STAT5A: variants seen among roughly 807,000 people sequenced by gnomAD.
STAT5A encodes signal transducer and activator of transcription 5A.
In STAT5A, 26 loss-of-function variants were observed where a neutral mutation model predicts 100.2. The observed-to-expected ratio is 0.26, with a 90% CI of 0.19 to 0.36. The LOEUF (loss-of-function observed/expected upper bound fraction) is 0.36. Among genes scored for constraint, STAT5A ranks in the 10% least tolerant of loss-of-function variants. The probability of loss-of-function intolerance (pLI) is 1.00; values close to 1 mark genes in which losing one functional copy is unlikely to be tolerated. For missense variants in STAT5A, 634 were observed against 1,027.5 expected (o/e 0.62, Z 5.24); for synonymous variants, 330 against 424.3 (o/e 0.78, Z 2.73).
In STAT5A at chr17:42,293,496, C is replaced by T. The variant is rs182594158; in HGVS notation, c.375+1435C>T. Among the ~76,000 whole-genome samples, 15 of 152,306 alleles carry T rather than the reference C, an allele frequency of 9.8e-5. No individual in the cohort carries two copies. In the East Asian group the frequency reaches 2.5e-3, roughly 25 times the overall value. On this transcript the variant is annotated intron_variant, in intron 4 of 18. Transcript: ENST00000590949. Reference sequence around the variant, plus strand: ...CTGGGATTACAGGCATGAGCCACCACGCCCGGCCTATTACGTATTTATTGT... The same window carrying T: ...CTGGGATTACAGGCATGAGCCACCATGCCCGGCCTATTACGTATTTATTGT...
chr17:42,296,855 C>G (rs2080922906), intron 5 of STAT5A, among the ~76,000 whole-genome samples: 1 of 152,194 alleles, frequency 6.6e-6, no homozygotes, highest in South Asian at 2.1e-4. Context: ...TAACCCTGCA[C>G]TGTCAGTGCT....
Position 42,308,808 on chromosome 17 carries a change from G to T in STAT5A, c.2063-239G>T, listed in dbSNP as rs1213778752. 3.4e-6 allele frequency: 2 copies of T among 585,842 alleles called. No homozygotes were observed. Among genetic ancestry groups the T allele is most frequent in the Non-Finnish European group, 6.1e-6 (2 of 328,604 alleles). 36.3% of individuals were successfully genotyped at this position (585,842 alleles called of 1,614,324 possible). A position where few individuals can be genotyped will look rare whatever the true frequency, so the allele number is the denominator to read the frequency against. On this transcript the variant is annotated intron_variant, in intron 16 of 18. Transcript: ENST00000590949. This position sits in a 1 kb window ranked among gnomAD's most constrained non-coding sequence, Gnocchi z 4.6. ...ATTCTTTGACAGGGGTGGGAGCAGG[G>T]AGAGGGAAATCAGATGGCCAGAAAA...
chr17:42,296,774 A>G (rs1001614063), intron 5 of STAT5A, among the ~76,000 whole-genome samples: 1 of 152,046 alleles, frequency 6.6e-6, no homozygotes, highest in Non-Finnish European at 1.5e-5. Flanking sequence ...CATAGCTGGG[A>G]CTACAGGTGC....
intron 5 of STAT5A, among the ~76,000 whole-genome samples, chr17:42,298,994 G>C (rs1292639490): frequency 2.0e-5 from 3 of 151,782 alleles, no homozygotes; most frequent in Non-Finnish European, 4.4e-5. Context: ...CTGGTTGGTC[G>C]GCTGGGCTCA....
rs540625378 is a variant in STAT5A at position 42,310,900 on chromosome 17, G to A, written c.*231G>A. The stretch of plus-strand genomic sequence containing the variant: ...AGATCATGGCATCCAAGAGTGCGCC[G>A]AGTCTGTCTCTGTCATGGTAGAGAC... On this transcript the variant is annotated 3_prime_UTR_variant, in exon 19 of 19. Transcript: ENST00000590949. The A allele has an allele frequency of 2.5e-4, 166 of 665,098 alleles. 1 individual carries two copies. In the South Asian group the frequency reaches 3.0e-3, roughly 12 times the overall value. The allele number at this position is 665,098 out of a possible 1,614,324, so 41.2% of individuals were successfully genotyped here.
chr17:42,304,620 G>T lies in STAT5A; in HGVS notation c.1348G>T (p.Val450Phe). The change falls in exon 11 of 19, where the codon GTT becomes TTT. Residue 450 changes from valine to phenylalanine, a missense_variant. Physicochemically the swap from Val to Phe is conservative, Grantham distance 50. Coordinates refer to ENST00000590949, the MANE Select transcript of STAT5A (RefSeq NM_001288718.2). This position sits in a 1 kb window ranked among gnomAD's most constrained non-coding sequence, Gnocchi z 4.8. ...FTVLFESQFSVGSNELVFQVK... is the reference protein window; with the variant it reads ...FTVLFESQFSFGSNELVFQVK... The stretch of plus-strand genomic sequence containing the variant: ...AGTCCTGTTTGAGTCTCAGTTCAGT[G>T]TTGGCAGCAATGAGCTTGTGTTCCA... 1.2e-6 allele frequency: 2 copies of T among 1,614,216 alleles called. No homozygotes were observed. The highest frequency in any genetic ancestry group is 1.7e-6 in the Non-Finnish European group (2 of 1,180,044).
Position 42,308,034 on chromosome 17 carries a change from C to T in STAT5A, c.1907-144C>T, listed in dbSNP as rs887487742. ...GTTTGCTGAGTAGAACATCCCGCATCGGCTTTCTTCCCTACAGGCTGGGGC... is the reference window on the plus strand; with the variant it reads ...GTTTGCTGAGTAGAACATCCCGCATTGGCTTTCTTCCCTACAGGCTGGGGC... On this transcript the variant is annotated intron_variant, in intron 15 of 18. Transcript: ENST00000590949. The surrounding 1 kb of genome is among the most constrained non-coding windows in gnomAD (Gnocchi z 4.6). The T allele has an allele frequency of 2.6e-6, 3 of 1,166,016 alleles. No homozygotes were observed. The highest frequency in any genetic ancestry group is 2.4e-6 in the Non-Finnish European group (2 of 838,752). The allele number at this position is 1,166,016 out of a possible 1,614,324, so 72.2% of individuals were successfully genotyped here. A position where few individuals can be genotyped will look rare whatever the true frequency, so the allele number is the denominator to read the frequency against.
Position 42,310,731 on chromosome 17 carries a change from G to A in STAT5A, c.*62G>A. ...GCAATGTGAAGCGGTCGTGTTGTGA[G>A]TTTAGTAAGGCTGTGTACACTGACA... On this transcript the variant is annotated 3_prime_UTR_variant, in exon 19 of 19. Coordinates refer to ENST00000590949, the MANE Select transcript of STAT5A (RefSeq NM_001288718.2). The A allele has an allele frequency of 6.2e-7, 1 of 1,606,440 alleles. No individual in the cohort carries two copies. Among genetic ancestry groups the A allele is most frequent in the Non-Finnish European group, 8.5e-7 (1 of 1,175,490 alleles).
At position 42,301,255 on chromosome 17, in the gene STAT5A, T is replaced by C. The variant is rs2080975772; in HGVS notation, c.990-20T>C. On this transcript the variant is annotated intron_variant, in intron 8 of 18. Transcript: ENST00000590949. ...CTGCGCCAACCCCTCATCGTGTGTCTGTCCCTGTGTCCCATGCAGCACATT... is the reference window on the plus strand; with the variant it reads ...CTGCGCCAACCCCTCATCGTGTGTCCGTCCCTGTGTCCCATGCAGCACATT... The C allele has an allele frequency of 6.2e-7, 1 of 1,610,840 alleles. No homozygotes were observed. Among genetic ancestry groups the C allele is most frequent in the African/African-American group, 1.3e-5 (1 of 74,930 alleles).
In STAT5A at chr17:42,299,826, T is replaced by C. The variant is rs2230123; in HGVS notation, c.626T>C (p.Val209Ala). 6,766 of 1,612,930 alleles carry C rather than the reference T, an allele frequency of 4.2e-3. 199 individuals carry two copies. In the African/African-American group the frequency reaches 0.072, roughly 17 times the overall value. Residue 209 changes from valine to alanine, a missense_variant, in exon 6 of 19, where the codon GTG becomes GCG. By Grantham distance (64) the Val-to-Ala change is moderately conservative. Coordinates refer to ENST00000590949, the MANE Select transcript of STAT5A (RefSeq NM_001288718.2). ...GAGACGGCCCTCCAGCAGAAGCAGGTGTCTCTGGAGGCCTGGTTGCAGCGT... is the reference window on the plus strand; with the variant it reads ...GAGACGGCCCTCCAGCAGAAGCAGGCGTCTCTGGAGGCCTGGTTGCAGCGT... ...SRETALQQKQ[V>A]SLEAWLQREA...
rs1241977872 is a variant in STAT5A at position 42,300,105 on chromosome 17, G to C, written c.682-25G>C. ...GCGGTGTTCTCTGGGAGCCCAGAAG[G>C]GGCTGCTCTCCTCCCTTCCCTCAGG... On this transcript the variant is annotated intron_variant, in intron 6 of 18. Coordinates refer to ENST00000590949, the MANE Select transcript of STAT5A (RefSeq NM_001288718.2). 1.2e-5 allele frequency: 16 copies of C among 1,316,256 alleles called. No individual in the cohort carries two copies. The South Asian group carries it at 2.1e-4, about 17-fold the overall frequency. The allele number at this position is 1,316,256 out of a possible 1,614,324, so 81.5% of individuals were successfully genotyped here.
chr17:42,301,595 G>T, intron 9 of STAT5A, 141 bp downstream of exon 9: 3 of 1,308,526 alleles, frequency 2.3e-6, no homozygotes, highest in Non-Finnish European at 3.1e-6. Flanking sequence ...GACTCATGCA[G>T]TCTTCCCACC....
intron 9 of STAT5A, 58 bp downstream of exon 9, chr17:42,301,512 C>G (rs779607888): frequency 1.1e-5 from 18 of 1,597,460 alleles, no homozygotes; most frequent in South Asian, 8.9e-5. Context: ...CTGCACCCCC[C>G]GCTTTGTCCT....
chr17:42,299,359 G>A (rs1356102618), intron 5 of STAT5A, among the ~76,000 whole-genome samples: 1 of 152,216 alleles, frequency 6.6e-6, no homozygotes, highest in Non-Finnish European at 1.5e-5. Context: ...GCACAGGAAA[G>A]GAAAGCGATT....
chr17:42,289,435 G>A lies in STAT5A; in HGVS notation c.24G>A (p.Gln8=). 2 of 1,612,196 alleles carry A rather than the reference G, an allele frequency of 1.2e-6. No homozygotes were observed. The change falls in exon 2 of 19, where the codon CAG becomes CAA. Residue 8 remains glutamine, a synonymous_variant. Coordinates refer to ENST00000590949, the MANE Select transcript of STAT5A (RefSeq NM_001288718.2). MAGWIQA[Q]QLQGDALRQM... ...CCATGGCGGGCTGGATCCAGGCCCA[G>A]CAGCTGCAGGGAGACGCGCTGCGCC...
At position 42,310,372 on chromosome 17, in the gene STAT5A, G is replaced by GT. The variant is rs1352872289; in HGVS notation, c.2223-134dup. ...TGACTGCTACCCAGCTTGGGGTGGG[G>GT]TGGGGGCATCCAGCCAGAACTGGTC... is the stretch of plus-strand genomic sequence containing the variant. On this transcript the variant is annotated intron_variant, in intron 18 of 18. Coordinates refer to ENST00000590949, the MANE Select transcript of STAT5A (RefSeq NM_001288718.2). 3.8e-5 allele frequency: 34 copies of GT among 903,912 alleles called. No individual in the cohort carries two copies. In the East Asian group the frequency reaches 8.9e-4, roughly 24 times the overall value. 56.0% of individuals were successfully genotyped at this position (903,912 alleles called of 1,614,324 possible).
At position 42,310,553 on chromosome 17, in the gene STAT5A, A is replaced by G. The variant is rs567020134; in HGVS notation, c.2269A>G (p.Thr757Ala). The G allele has an allele frequency of 6.2e-7, 1 of 1,614,174 alleles. No individual in the cohort carries two copies. Among genetic ancestry groups the G allele is most frequent in the Admixed American group, 1.7e-5 (1 of 60,020 alleles). ...DQDGEFDLDE[T>A]MDVARHVEEL... Reference sequence around the variant, plus strand: ...GGATGGAGAATTCGACCTGGATGAGACCATGGATGTGGCCAGGCACGTGGA... The same window carrying G: ...GGATGGAGAATTCGACCTGGATGAGGCCATGGATGTGGCCAGGCACGTGGA... Residue 757 changes from threonine to alanine, a missense_variant, in exon 19 of 19, where the codon ACC (threonine) becomes GCC (alanine). Transcript: ENST00000590949.
chr17:42,308,948 G>A lies in STAT5A; in HGVS notation c.2063-99G>A. The A allele has an allele frequency of 6.8e-7, 1 of 1,463,508 alleles. No homozygotes were observed. The highest frequency in any genetic ancestry group is 9.5e-7 in the Non-Finnish European group (1 of 1,047,516). 90.7% of individuals were successfully genotyped at this position (1,463,508 alleles called of 1,614,324 possible). A position where few individuals can be genotyped will look rare whatever the true frequency, so the allele number is the denominator to read the frequency against. On this transcript the variant is annotated intron_variant, in intron 16 of 18. Transcript: ENST00000590949. This position sits in a 1 kb window ranked among gnomAD's most constrained non-coding sequence, Gnocchi z 4.6. ...ATCTCATCCCAGCTGAGAACACAAG[G>A]TGATGTGAGCAGGAGGGAGACTACA... is the stretch of plus-strand genomic sequence containing the variant.
At position 42,307,677 on chromosome 17, in the gene STAT5A, T is replaced by C. The variant is rs1189573288; in HGVS notation, c.1860T>C (p.Ser620=). ...KPDGTFLLRF[S]DSEIGGITIA... is the part of the protein sequence containing the mutation. The stretch of plus-strand genomic sequence containing the variant: ...ACGGGACCTTCTTGTTGCGCTTTAG[T>C]GACTCAGAAATCGGGGGCATCACCA... The change falls in exon 15 of 19, where the codon AGT becomes AGC. Residue 620 remains serine, a synonymous_variant. Coordinates refer to ENST00000590949, the MANE Select transcript of STAT5A (RefSeq NM_001288718.2). 1 of 1,613,980 alleles carries C rather than the reference T, an allele frequency of 6.2e-7. No homozygotes were observed. Among genetic ancestry groups the C allele is most frequent in the East Asian group, 2.2e-5 (1 of 44,890 alleles).
Sources: gnomAD v4.1 joint callset for allele counts (sites outside exome capture counted in the v4.1 genomes callset) on GRCh38, gnomAD v4.1.1 for gene constraint, Gnocchi (gnomAD v3.1) non-coding constraint, MANE v1.5 for transcripts, NCBI Gene and HGNC (gene_info 2026-07-23, HGNC 2026-07-21) for gene names.